Variants in FRMD4A observed in about 807,000 individuals in gnomAD.
The protein encoded by FRMD4A is FERM domain containing 4A, also known as FERM domain-containing protein 4A.
FRMD4A carries 29 observed loss-of-function variants against 129.1 expected under a neutral mutation model. That is an observed-to-expected ratio of 0.22 (90% confidence interval 0.17 to 0.31). The LOEUF (loss-of-function observed/expected upper bound fraction) is 0.31, where lower values mean the gene tolerates loss of function less well. FRMD4A is among the 10% of genes least tolerant of loss of function. FRMD4A has a pLI of 1.00. For missense variants in FRMD4A, 1,272 were observed against 1,375.8 expected, an observed-to-expected ratio of 0.92 and a Z score of 1.19; for synonymous variants, 634 against 571.6, an observed-to-expected ratio of 1.11 and a Z score of -1.56.
chr10:14,315,135 C>G (rs116667476), intron 2 of FRMD4A, among the ~76,000 whole-genome samples: 4,619 of 152,136 alleles, frequency 0.03, 127 homozygotes, highest in Middle Eastern at 0.034. Flanking sequence ...CACTCCCTCC[C>G]CTTTCAATGC....
intron 2 of FRMD4A, among the ~76,000 whole-genome samples, chr10:14,244,959 C>T (rs929138891): frequency 2.6e-5 from 4 of 152,214 alleles, no homozygotes; most frequent in Non-Finnish European, 5.9e-5. Context: ...ACTTTACTAG[C>T]CTCTAATTAG....
At position 13,656,636 on chromosome 10, in the gene FRMD4A, C is replaced by T; in HGVS notation, c.2953G>A (p.Ala985Thr). 1 of 1,425,558 alleles carries T rather than the reference C, an allele frequency of 7.0e-7. No individual in the cohort carries two copies. The highest frequency in any genetic ancestry group is 9.3e-7 in the Non-Finnish European group (1 of 1,080,652). 88.3% of individuals were successfully genotyped at this position (1,425,558 alleles called of 1,614,324 possible). Residue 985 changes from alanine to threonine, a missense_variant and splice_region_variant, in exon 22 of 25, where the codon GCT becomes ACT. By Grantham distance (58) the Ala-to-Thr change is moderately conservative. Around this residue, in one of 2 missense-constraint regions of FRMD4A, gnomAD observed 972 missense variants for 892.3 expected, o/e 1.09. Transcript: ENST00000357447. ...RMPQMCKATS[A>T]ALPQSQRSST... Reference sequence around the variant, plus strand: ...CGTGCACCTGGCCGCCCCCTCTCACCTGACGTGGCCTTGCACATCTGGGGC... The same window carrying T: ...CGTGCACCTGGCCGCCCCCTCTCACTTGACGTGGCCTTGCACATCTGGGGC...
chr10:13,654,649 G>A, intron 22 of FRMD4A, 137 bp from the exon 23 acceptor site: 2 of 626,306 alleles, frequency 3.2e-6, no homozygotes, highest in Non-Finnish European at 5.7e-6. Context: ...GGACCCCAGA[G>A]CAGGGTCTCA....
At chr10:13,827,744 A>C (rs926561592) in intron 3 of FRMD4A, among the ~76,000 whole-genome samples, 3 of 152,146 alleles carry the variant, frequency 2.0e-5, no homozygotes, top group African/African-American at 4.8e-5. Context: ...GTCTGCCAGG[A>C]AGCAAGGAAT....
chr10:13,667,565 C>T (rs1361282418), intron 17 of FRMD4A: 3 of 152,246 alleles, frequency 2.0e-5, no homozygotes, highest in Non-Finnish European at 4.4e-5. Context: ...GACCAAGCCT[C>T]TCCTCTGCAG....
chr10:14,094,835 CAT>C (rs1380717100), intron 2 of FRMD4A, among the ~76,000 whole-genome samples: 1 of 152,150 alleles, frequency 6.6e-6, no homozygotes, highest in Non-Finnish European at 1.5e-5. Context: ...GCCATTGGCC[CAT>C]GTGTGTGTAT....
chr10:14,292,590 G>C (rs757314796), intron 2 of FRMD4A, among the ~76,000 whole-genome samples: 3 of 152,212 alleles, frequency 2.0e-5, no homozygotes, highest in Non-Finnish European at 4.4e-5. Context: ...ATGAGGTCAG[G>C]AGATTGAGAT....
intron 2 of FRMD4A, among the ~76,000 whole-genome samples, chr10:13,971,205 G>A (rs142354549): frequency 1.2e-3 from 179 of 152,222 alleles, no homozygotes; most frequent in African/African-American, 1.8e-3. Flanking sequence ...TGCACACACC[G>A]CATGCACGCA....
intron 15 of FRMD4A, among the ~76,000 whole-genome samples, chr10:13,690,912 T>C (rs767877206): frequency 7.9e-5 from 12 of 152,186 alleles, no homozygotes; most frequent in Non-Finnish European, 1.8e-4. Flanking sequence ...GCCCACCAGA[T>C]TGATTAGCAA....
intron 17 of FRMD4A, among the ~76,000 whole-genome samples, chr10:13,670,087 C>A (rs573038109): frequency 1.3e-5 from 2 of 152,312 alleles, no homozygotes; most frequent in East Asian, 3.9e-4. Flanking sequence ...TCACTGAGGG[C>A]TGAGAGGCCA....
intron 2 of FRMD4A, among the ~76,000 whole-genome samples, chr10:14,284,649 T>A (rs1845626541): frequency 6.6e-6 from 1 of 152,164 alleles, no homozygotes; most frequent in African/African-American, 2.4e-5. Flanking sequence ...GGAAACTCCG[T>A]CTCAAACAAA....
chr10:13,994,267 C>T lies in FRMD4A; in HGVS notation c.46-135355G>A, dbSNP rs929364515. Among the ~76,000 whole-genome samples the T allele has an allele frequency of 2.0e-5, 3 of 147,282 alleles. No individual in the cohort carries two copies. In the Admixed American group the frequency reaches 2.1e-4, roughly 10 times the overall value. The stretch of plus-strand genomic sequence containing the variant: ...TGATATTGGCTCACTGCAATCTCTT[C>T]CTCCCGGGTTCAAGCAATTCCCCTG... On this transcript the variant is annotated intron_variant, in intron 2 of 24. Coordinates refer to ENST00000357447, the MANE Select transcript of FRMD4A (RefSeq NM_018027.5).
intron 3 of FRMD4A, among the ~76,000 whole-genome samples, chr10:13,822,066 TAC>T (rs1051197700): frequency 3.9e-5 from 6 of 152,204 alleles, no homozygotes; most frequent in East Asian, 3.9e-4. Context: ...TATATATACA[TAC>T]ACACACACAT....
chr10:13,946,938 G>T (rs2095336366), intron 2 of FRMD4A, among the ~76,000 whole-genome samples: 1 of 152,162 alleles, frequency 6.6e-6, no homozygotes, highest in African/African-American at 2.4e-5. Context: ...TGGGACAAAT[G>T]ATTATAGACA....
intron 3 of FRMD4A, among the ~76,000 whole-genome samples, chr10:13,818,529 T>G (rs143963711): frequency 9.5e-4 from 145 of 152,270 alleles, no homozygotes; most frequent in Non-Finnish European, 1.6e-3. Flanking sequence ...GATCCTGCCT[T>G]CCTAAGAGTG....
chr10:13,958,115 T>A (rs1252120331), intron 2 of FRMD4A, among the ~76,000 whole-genome samples: 1 of 152,092 alleles, frequency 6.6e-6, no homozygotes, highest in African/African-American at 2.4e-5. Flanking sequence ...ATCTCTTTCC[T>A]ACTTAGGCGA....
chr10:14,033,313 A>C (rs868637435), intron 2 of FRMD4A, among the ~76,000 whole-genome samples: 1 of 152,122 alleles, frequency 6.6e-6, no homozygotes, highest in African/African-American at 2.4e-5. Flanking sequence ...TCTCAAAAAA[A>C]AAAAAAAAAT....
chr10:14,020,238 C>T (rs1267004674), intron 2 of FRMD4A, among the ~76,000 whole-genome samples: 1 of 152,204 alleles, frequency 6.6e-6, no homozygotes. Context: ...AGCATAGCAG[C>T]AGCCAGAGAC....
chr10:14,197,218 T>G (rs1161350950), intron 2 of FRMD4A, among the ~76,000 whole-genome samples: 1 of 152,066 alleles, frequency 6.6e-6, no homozygotes, highest in Non-Finnish European at 1.5e-5. Flanking sequence ...TTTATACAAT[T>G]TTATACAGGC....
Sources: gnomAD v4.1 joint callset for allele counts (sites outside exome capture counted in the v4.1 genomes callset) on GRCh38, gnomAD v4.1.1 for gene constraint, gnomAD v4.1.1 regional missense constraint, MANE v1.5 for transcripts, NCBI Gene and HGNC (gene_info 2026-07-23, HGNC 2026-07-21) for gene names.